Variants in OR56A3 observed in about 807,000 individuals in gnomAD.
OR56A3 encodes the protein olfactory receptor 56A3.
Under a neutral mutation model 17.5 loss-of-function variants are expected in OR56A3, and 23 were observed. The ratio of observed to expected loss-of-function variants is 1.32; its 90% CI spans 0.95 to 1.87. OR56A3 has a LOEUF of 1.87. OR56A3 is among the 40% of genes most tolerant of loss of function. The pLI is 0.00. For synonymous variants in OR56A3, 175 were observed against 150.6 expected (o/e 1.16, Z -1.19); for missense variants, 366 against 380.1 (o/e 0.96, Z 0.31).
chr11:6,003,711 C>T, the OR56A3 span, among the ~76,000 whole-genome samples: 1 of 152,030 alleles, frequency 6.6e-6, no homozygotes. Context: ...CATTTTTTTT[C>T]CTTGTCAGTG....
the OR56A3 span, among the ~76,000 whole-genome samples, chr11:5,982,781 A>T: frequency 6.6e-6 from 1 of 152,070 alleles, no homozygotes; most frequent in African/African-American, 2.4e-5. Flanking sequence ...TCAAATGTTT[A>T]TGGGGGTTGT....
chr11:6,016,594 G>C, the OR56A3 span, among the ~76,000 whole-genome samples: 1 of 152,042 alleles, frequency 6.6e-6, no homozygotes, highest in Admixed American at 6.5e-5. Flanking sequence ...AAGGAAGCAA[G>C]AAGTGTGAAA....
At chr11:5,953,997 G>A (rs183533441), downstream of OR56A3, among the ~76,000 whole-genome samples, 14 of 152,154 alleles carry the variant, frequency 9.2e-5, no homozygotes, top group African/African-American at 1.7e-4. Context: ...AGTCCTGGCC[G>A]CAAAGAGCTC....
chr11:5,942,946 G>A (rs927528429), intron 1 of OR56A3, among the ~76,000 whole-genome samples: 1 of 152,192 alleles, frequency 6.6e-6, no homozygotes, highest in African/African-American at 2.4e-5. Context: ...TAGGCTGATG[G>A]TCTCTCCTTT....
the OR56A3 span, among the ~76,000 whole-genome samples, chr11:5,962,592 G>GGC: frequency 6.9e-6 from 1 of 145,322 alleles, no homozygotes; most frequent in East Asian, 2.0e-4. Flanking sequence ...ACTGCGGACT[G>GGC]CAGTGGCGCA....
At chr11:6,019,771 A>T in the OR56A3 span, 3 of 152,220 alleles carry the variant, frequency 2.0e-5, no homozygotes, top group South Asian at 2.1e-4. Flanking sequence ...CTTAAAATTC[A>T]AGTTCTCATT....
At chr11:6,011,791 G>C in the OR56A3 span, among the ~76,000 whole-genome samples, 2 of 152,192 alleles carry the variant, frequency 1.3e-5, no homozygotes, top group Non-Finnish European at 2.9e-5. Context: ...TGAGGGGTGG[G>C]TGTGAGCGAG....
chr11:5,955,581 T>C (rs548691227), downstream of OR56A3, among the ~76,000 whole-genome samples: 3 of 152,274 alleles, frequency 2.0e-5, no homozygotes, highest in African/African-American at 7.2e-5. Context: ...GGAGATTAAG[T>C]GCACAGTTTG....
chr11:5,993,252 C>T, the OR56A3 span, among the ~76,000 whole-genome samples: 14 of 152,168 alleles, frequency 9.2e-5, no homozygotes, highest in East Asian at 1.2e-3. Context: ...GTCAAAAGGC[C>T]GTGGAGCACC....
chr11:5,998,683 A>T, the OR56A3 span, among the ~76,000 whole-genome samples: 1 of 152,202 alleles, frequency 6.6e-6, no homozygotes, highest in African/African-American at 2.4e-5. Flanking sequence ...CTCTGGAGAA[A>T]ATATGTAAGA....
chr11:6,019,907 G>T, the OR56A3 span: 1 of 152,040 alleles, frequency 6.6e-6, no homozygotes, highest in Admixed American at 6.6e-5. Flanking sequence ...CTATCCACAG[G>T]CAAACCAGCA....
the OR56A3 span, chr11:5,968,491 T>C: frequency 1.9e-6 from 3 of 1,549,614 alleles, no homozygotes; most frequent in Non-Finnish European, 2.6e-6. Context: ...CTGGGTAATG[T>C]CATGAAATAA....
chr11:5,978,724 T>C, the OR56A3 span, among the ~76,000 whole-genome samples: 7 of 152,320 alleles, frequency 4.6e-5, no homozygotes, highest in Non-Finnish European at 7.4e-5. Context: ...TCTTGCCTGA[T>C]TGCTCTGTCC....
At chr11:5,969,404 T>C in the OR56A3 span, among the ~76,000 whole-genome samples, 1 of 152,184 alleles carries the variant, frequency 6.6e-6, no homozygotes, top group African/African-American at 2.4e-5. Flanking sequence ...AGTAGAAACA[T>C]CAGATGCAAG....
chr11:5,947,410 G>T lies in OR56A3; in HGVS notation c.64G>T (p.Val22Phe). ...TTCAGACTTCCTCTTGAATTGTTTT[G>T]TCAGATCCCCCAGCTGGCAGCACTG... ...EASDFLLNCFVRSPSWQHWLS... is the reference protein window; with the variant it reads ...EASDFLLNCFFRSPSWQHWLS... Residue 22 changes from valine to phenylalanine, a missense_variant, in exon 3 of 3, where the codon GTC (valine) becomes TTC (phenylalanine). Val to Phe is a conservative substitution (Grantham distance 50, BLOSUM62 -1). Coordinates refer to ENST00000641160, the MANE Select transcript of OR56A3 (RefSeq NM_001003443.3). The T allele has an allele frequency of 6.2e-7, 1 of 1,613,988 alleles. No homozygotes were observed. The highest frequency in any genetic ancestry group is 1.3e-5 in the African/African-American group (1 of 75,010).
At chr11:5,954,540 CA>C (rs1363390623), downstream of OR56A3, among the ~76,000 whole-genome samples, 4 of 152,184 alleles carry the variant, frequency 2.6e-5, no homozygotes, top group East Asian at 5.8e-4. Context: ...ATAAGTTGAT[CA>C]TTTTTTTAAA....
chr11:6,018,125 C>T, the OR56A3 span, among the ~76,000 whole-genome samples: 1 of 151,918 alleles, frequency 6.6e-6, no homozygotes, highest in Non-Finnish European at 1.5e-5. Flanking sequence ...GGGAGGGATA[C>T]ACACCAATAC....
At chr11:5,984,696 C>T in the OR56A3 span, among the ~76,000 whole-genome samples, 24 of 152,270 alleles carry the variant, frequency 1.6e-4, no homozygotes, top group Non-Finnish European at 2.2e-4. Flanking sequence ...CTACTTGCAA[C>T]GGCCAAGTTA....
intron 2 of OR56A3, among the ~76,000 whole-genome samples, chr11:5,945,585 A>T (rs1256426225): frequency 4.4e-5 from 4 of 91,734 alleles, no homozygotes; most frequent in Non-Finnish European, 1.1e-4. Context: ...CATATAAAAA[A>T]AAAAAAAAAA....
Sources: gnomAD v4.1 joint callset for allele counts (sites outside exome capture counted in the v4.1 genomes callset) on GRCh38, gnomAD v4.1.1 for gene constraint, MANE v1.5 for transcripts, NCBI Gene and HGNC (gene_info 2026-07-23, HGNC 2026-07-21) for gene names.